The following PHYHIPL variants were observed in gnomAD, a reference collection of about 807,000 sequenced individuals.
PHYHIPL encodes the protein phytanoyl-CoA hydroxylase-interacting protein-like.
A neutral mutation model predicts 33.4 loss-of-function variants in PHYHIPL; 9 were observed. That is an observed-to-expected ratio of 0.27 (90% confidence interval 0.16 to 0.47). The LOEUF (loss-of-function observed/expected upper bound fraction) is 0.47, where lower values mean the gene tolerates loss of function less well. Ranked by LOEUF, PHYHIPL falls within the 20% of genes least tolerant of loss-of-function variation. PHYHIPL has a pLI of 0.99. For synonymous variants in PHYHIPL, 153 were observed against 154.1 expected, an observed-to-expected ratio of 0.99 and a Z score of 0.05; for missense variants, 365 against 460.7, an observed-to-expected ratio of 0.79 and a Z score of 1.90.
intron 1 of PHYHIPL, among the ~76,000 whole-genome samples, chr10:59,219,496 T>C (rs1589283378): frequency 6.6e-6 from 1 of 152,188 alleles, no homozygotes. Context: ...GTATCAATAA[T>C]AGCTTTTGTA....
At chr10:59,209,684 G>T (rs1024241631) in intron 1 of PHYHIPL, among the ~76,000 whole-genome samples, 1 of 152,170 alleles carries the variant, frequency 6.6e-6, no homozygotes, top group Non-Finnish European at 1.5e-5. Context: ...CAAGGCTACA[G>T]TAACCAAAAC....
At chr10:59,207,298 C>T (rs1839312146) in intron 1 of PHYHIPL, among the ~76,000 whole-genome samples, 5 of 152,240 alleles carry the variant, frequency 3.3e-5, no homozygotes, top group South Asian at 2.1e-4. Context: ...CAGGGTGGGG[C>T]GTTGCCTCAC....
At chr10:59,176,985 A>C in intron 1 of PHYHIPL, 26 bp downstream of exon 1, 1 of 1,602,582 alleles carries the variant, frequency 6.2e-7, no homozygotes, top group Middle Eastern at 1.7e-4. Context: ...ACCGCGAGGA[A>C]AGGGACAGAG....
chr10:59,177,643 T>A (rs1838289614), intron 1 of PHYHIPL: 2 of 1,551,044 alleles, frequency 1.3e-6, no homozygotes, highest in African/African-American at 2.7e-5. Flanking sequence ...GTGTTGATAT[T>A]ATATCGTTTA....
intron 1 of PHYHIPL, among the ~76,000 whole-genome samples, chr10:59,225,776 T>C (rs893231742): frequency 1.4e-4 from 21 of 152,174 alleles, no homozygotes; most frequent in Admixed American, 7.9e-4. Context: ...GATTAAAATC[T>C]AAGAGGAAAA....
chr10:59,183,506 T>A (rs1255116569), intron 1 of PHYHIPL: 1 of 201,032 alleles, frequency 5.0e-6, no homozygotes, highest in East Asian at 1.8e-4. Context: ...AGGGAAAGGT[T>A]AGGATGTAAC....
intron 1 of PHYHIPL, among the ~76,000 whole-genome samples, chr10:59,219,784 A>G (rs887133051): frequency 2.0e-5 from 3 of 152,126 alleles, no homozygotes; most frequent in Non-Finnish European, 2.9e-5. Context: ...GGACAGATAT[A>G]ATTTTCCCTA....
At chr10:59,177,240 G>A (rs1217544247) in intron 1 of PHYHIPL, 35 of 579,358 alleles carry the variant, frequency 6.0e-5, no homozygotes, top group Non-Finnish European at 1.0e-4. Flanking sequence ...CGACGTTCCC[G>A]CTCGCGGCTC....
intron 1 of PHYHIPL, among the ~76,000 whole-genome samples, chr10:59,226,832 G>T (rs901029669): frequency 4.6e-5 from 7 of 151,782 alleles, no homozygotes; most frequent in African/African-American, 1.7e-4. Context: ...AATTACGGTA[G>T]AAAAGAGATT....
chr10:59,211,668 A>ATT (rs2133239738), intron 1 of PHYHIPL, among the ~76,000 whole-genome samples: 1 of 143,004 alleles, frequency 7.0e-6, no homozygotes, highest in Non-Finnish European at 1.5e-5. Flanking sequence ...ACTCTCTAAA[A>ATT]AAAAAAAAAA....
chr10:59,243,082 A>C (rs1234696919), intron 4 of PHYHIPL, among the ~76,000 whole-genome samples: 1 of 152,132 alleles, frequency 6.6e-6, no homozygotes, highest in African/African-American at 2.4e-5. Context: ...AAACCCAAAG[A>C]AATCCATGCC....
chr10:59,190,300 T>A (rs532540719), intron 1 of PHYHIPL, among the ~76,000 whole-genome samples: 1 of 152,102 alleles, frequency 6.6e-6, no homozygotes, highest in South Asian at 2.1e-4. Flanking sequence ...TTAAGTCATC[T>A]GGCCTTTTCA....
Position 59,245,905 on chromosome 10 carries a change from A to G in PHYHIPL, c.*314A>G. ...ACAAAACAGTTATATAGACTGCTTT[A>G]GCAAAGTACACAATAATGGCTTATA... On this transcript the variant is annotated 3_prime_UTR_variant, in exon 5 of 5. Transcript: ENST00000373880. The G allele has an allele frequency of 3.8e-6, 1 of 260,514 alleles. No individual in the cohort carries two copies. Among genetic ancestry groups the G allele is most frequent in the African/African-American group, 2.2e-5 (1 of 44,922 alleles). The allele number at this position is 260,514 out of a possible 1,614,324, so 16.1% of individuals were successfully genotyped here.
intron 1 of PHYHIPL, among the ~76,000 whole-genome samples, chr10:59,179,824 T>C (rs1278194694): frequency 6.7e-6 from 1 of 148,542 alleles, no homozygotes; most frequent in Non-Finnish European, 1.5e-5. Context: ...AATTGGCTTT[T>C]CAATTAAGCA....
chr10:59,246,893 A>C lies in PHYHIPL; in HGVS notation c.*1302A>C, dbSNP rs1293038805. 8.9e-6 allele frequency: 3 copies of C among 337,996 alleles called. No homozygotes were observed. Among genetic ancestry groups the C allele is most frequent in the Non-Finnish European group, 1.6e-5 (3 of 189,598 alleles). 20.9% of individuals were successfully genotyped at this position (337,996 alleles called of 1,614,324 possible). The stretch of plus-strand genomic sequence containing the variant: ...TCCAAAATACCTATTTTAAATTTTT[A>C]ATACAATATTTTATTTTAATATAAA... On this transcript the variant is annotated 3_prime_UTR_variant, in exon 5 of 5. Coordinates refer to ENST00000373880, the MANE Select transcript of PHYHIPL (RefSeq NM_032439.4).
chr10:59,190,108 C>T (rs995725391), intron 1 of PHYHIPL, among the ~76,000 whole-genome samples: 3 of 151,878 alleles, frequency 2.0e-5, no homozygotes, highest in Admixed American at 6.6e-5. Context: ...TAATTTTATA[C>T]GTACAGCATT....
rs202246061 is a variant in PHYHIPL, at chr10:59,247,050, T to A, written c.*1459T>A. 7.0e-6 allele frequency: 1 copy of A among 143,506 alleles called. No individual in the cohort carries two copies. The highest frequency in any genetic ancestry group is 2.0e-4 in the East Asian group (1 of 4,882). 8.9% of individuals were successfully genotyped at this position (143,506 alleles called of 1,614,324 possible). A position where few individuals can be genotyped will look rare whatever the true frequency, so the allele number is the denominator to read the frequency against. ...TTATTTTTATAGAGAAAGAAAAAAA[T>A]AGCAACACAATCTAGTTTATTTTAG... On this transcript the variant is annotated 3_prime_UTR_variant, in exon 5 of 5. Transcript: ENST00000373880.
At chr10:59,188,305 G>A (rs1721570190) in intron 1 of PHYHIPL, among the ~76,000 whole-genome samples, 1 of 152,098 alleles carries the variant, frequency 6.6e-6, no homozygotes, top group African/African-American at 2.4e-5. Flanking sequence ...CTGAGTTCTA[G>A]TTTGATTGCA....
intron 1 of PHYHIPL, among the ~76,000 whole-genome samples, chr10:59,186,805 A>G (rs1379520888): frequency 6.6e-6 from 1 of 152,186 alleles, no homozygotes; most frequent in Admixed American, 6.5e-5. Context: ...ATTTTTGTAC[A>G]TTGATTTTTT....
Sources: gnomAD v4.1 joint callset for allele counts (sites outside exome capture counted in the v4.1 genomes callset) on GRCh38, gnomAD v4.1.1 for gene constraint, MANE v1.5 for transcripts, NCBI Gene and HGNC (gene_info 2026-07-23, HGNC 2026-07-21) for gene names.